SORCS2: variants seen among roughly 807,000 people sequenced by gnomAD.
SORCS2 encodes sortilin related VPS10 domain containing receptor 2.
A neutral mutation model predicts 141.6 loss-of-function variants in SORCS2; 100 were observed. That is an observed-to-expected ratio of 0.71 (90% CI 0.60 to 0.83). SORCS2 has a LOEUF of 0.83. SORCS2 is among the 40% of genes least tolerant of loss of function. The pLI is 0.00. For synonymous variants in SORCS2, 789 were observed against 676.9 expected (o/e 1.17, Z -2.57); for missense variants, 1,646 against 1,560.2 (o/e 1.05, Z -0.93).
Position 7,740,262 on chromosome 4 carries a change from T to TGATGCCA in SORCS2, c.3479_*5dup. On this transcript the variant is annotated frameshift_variant and stop_retained_variant, in exon 27 of 27. Transcript: ENST00000507866. LOFTEE classifies it high-confidence loss of function. ...AGAGATGCACAGCTACCTGGTGAGCTGATGCCACCCCAGCATCTGTCTTTT... is the reference window on the plus strand; with the variant it reads ...AGAGATGCACAGCTACCTGGTGAGCTGATGCCAGATGCCACCCCAGCATCTGTCTTTT... 6.2e-7 allele frequency: 1 copy of TGATGCCA among 1,609,314 alleles called. No individual in the cohort carries two copies. Among genetic ancestry groups the TGATGCCA allele is most frequent in the Non-Finnish European group, 8.5e-7 (1 of 1,179,324 alleles).
intron 2 of SORCS2, among the ~76,000 whole-genome samples, chr4:7,436,846 G>A (rs75751132): frequency 0.087 from 13,205 of 152,226 alleles, 762 homozygotes; most frequent in Non-Finnish European, 0.13. Context: ...GGATGCACAC[G>A]TGTCTTCCCT....
At chr4:7,336,532 A>ACGCAATCCCTGAGCAGCGTGGGCGGC (rs1448179213) in intron 1 of SORCS2, among the ~76,000 whole-genome samples, 1 of 94,424 alleles carries the variant, frequency 1.1e-5, no homozygotes. Flanking sequence ...CCGTGCCCAG[A>ACGCAATCCCTGAGCAGCGTGGGCGGC]ACAGATGGAT....
chr4:7,531,668 G>C (rs751401634), intron 3 of SORCS2, 39 bp downstream of exon 3: 24 of 1,573,596 alleles, frequency 1.5e-5, no homozygotes, highest in Non-Finnish European at 2.0e-5. Flanking sequence ...TCTGGCTCTC[G>C]CCTTGTGCCG....
At chr4:7,360,527 C>T (rs1047965830) in intron 1 of SORCS2, among the ~76,000 whole-genome samples, 19 of 146,638 alleles carry the variant, frequency 1.3e-4, no homozygotes, top group African/African-American at 4.8e-4. Context: ...GGCTCTGTGG[C>T]ATCCTGCACT....
chr4:7,733,843 C>A (rs1485494974), intron 24 of SORCS2, among the ~76,000 whole-genome samples: 2 of 152,248 alleles, frequency 1.3e-5, no homozygotes. Flanking sequence ...CCACAGCCTC[C>A]ATCCCCAGTG....
intron 2 of SORCS2, among the ~76,000 whole-genome samples, chr4:7,509,600 C>T (rs111458531): frequency 0.096 from 14,651 of 152,298 alleles, 1,008 homozygotes; most frequent in African/African-American, 0.2. Context: ...GGGAAGTGCA[C>T]AGCCCACAGG....
At chr4:7,392,417 C>G (rs951655363) in intron 1 of SORCS2, among the ~76,000 whole-genome samples, 2 of 152,192 alleles carry the variant, frequency 1.3e-5, no homozygotes, top group African/African-American at 4.8e-5. Context: ...CTGTCTGCAT[C>G]AGCTGCTGTA....
chr4:7,536,088 G>T (rs771637987), intron 3 of SORCS2, among the ~76,000 whole-genome samples: 1 of 152,236 alleles, frequency 6.6e-6, no homozygotes, highest in African/African-American at 2.4e-5. Context: ...GCTGAGTGGG[G>T]CTAGGGACGC....
At chr4:7,475,485 T>C (rs13135262) in intron 2 of SORCS2, among the ~76,000 whole-genome samples, 64,535 of 151,862 alleles carry the variant, frequency 0.42, 14,544 homozygotes, top group East Asian at 0.92. Context: ...GCCACAGGAG[T>C]GTCCCAGCCT....
chr4:7,485,331 A>G (rs1294236237), intron 2 of SORCS2, among the ~76,000 whole-genome samples: 1 of 152,228 alleles, frequency 6.6e-6, no homozygotes, highest in Non-Finnish European at 1.5e-5. Context: ...GTTCCCAGGC[A>G]GAGCCCCTGG....
chr4:7,231,153 C>G (rs1711852004), intron 1 of SORCS2, among the ~76,000 whole-genome samples: 1 of 152,200 alleles, frequency 6.6e-6, no homozygotes, highest in Non-Finnish European at 1.5e-5. Flanking sequence ...AAGCCAATGT[C>G]CCAGTTTGAT....
At chr4:7,708,374 G>C (rs1047218909) in intron 14 of SORCS2, among the ~76,000 whole-genome samples, 3 of 152,204 alleles carry the variant, frequency 2.0e-5, no homozygotes, top group Non-Finnish European at 4.4e-5. Context: ...TCCCAGCTGG[G>C]GTCCCGGGTG....
chr4:7,434,489 C>G, intron 2 of SORCS2: 2 of 1,611,832 alleles, frequency 1.2e-6, no homozygotes, highest in South Asian at 2.2e-5. Context: ...CACACCTGTG[C>G]CGGGGCACTG....
At chr4:7,717,945 C>T (rs1726301942) in intron 17 of SORCS2, 67 bp from the exon 18 acceptor site, 6 of 1,465,762 alleles carry the variant, frequency 4.1e-6, no homozygotes, top group Non-Finnish European at 5.4e-6. Flanking sequence ...CGTCCCTCCC[C>T]AGACTATGGG....
intron 1 of SORCS2, among the ~76,000 whole-genome samples, chr4:7,348,755 G>A (rs1035899894): frequency 1.3e-5 from 2 of 152,176 alleles, no homozygotes; most frequent in African/African-American, 4.8e-5. Flanking sequence ...GTTTCACCAT[G>A]TTGGCCAGGC....
At chr4:7,707,126 C>A in intron 14 of SORCS2, among the ~76,000 whole-genome samples, 1 of 152,252 alleles carries the variant, frequency 6.6e-6, no homozygotes. Flanking sequence ...CCGGGCCGAG[C>A]AGAGGTGGGA....
intron 18 of SORCS2, 103 bp from the exon 19 acceptor site, chr4:7,723,594 C>T (rs917940630): frequency 2.0e-5 from 26 of 1,299,260 alleles, no homozygotes; most frequent in South Asian, 8.5e-5. Flanking sequence ...GAAGGGAGGG[C>T]GGCAATGAAT....
At chr4:7,361,026 T>G (rs1371538801) in intron 1 of SORCS2, among the ~76,000 whole-genome samples, 1 of 152,130 alleles carries the variant, frequency 6.6e-6, no homozygotes, top group South Asian at 2.1e-4. Flanking sequence ...CTGGAGCTTC[T>G]GTGACAGCTA....
chr4:7,640,178 G>A (rs991214022), intron 4 of SORCS2, among the ~76,000 whole-genome samples: 1 of 80,244 alleles, frequency 1.2e-5, no homozygotes, highest in Non-Finnish European at 2.5e-5. Flanking sequence ...GTGGGTGAGT[G>A]TGAGAGCCTA....
Sources: gnomAD v4.1 joint callset for allele counts (sites outside exome capture counted in the v4.1 genomes callset) on GRCh38, gnomAD v4.1.1 for gene constraint, MANE v1.5 for transcripts, NCBI Gene and HGNC (gene_info 2026-07-23, HGNC 2026-07-21) for gene names.